RAB11FIP2: variants seen among roughly 807,000 people sequenced by gnomAD.
The protein encoded by RAB11FIP2 is RAB11 family interacting protein 2.
Under a neutral mutation model 40.9 loss-of-function variants are expected in RAB11FIP2, and 16 were observed. That is an observed-to-expected ratio of 0.39 (90% confidence interval 0.26 to 0.59). RAB11FIP2 has a LOEUF of 0.59. RAB11FIP2 is among the 20% of genes least tolerant of loss of function. The pLI is 0.53. For synonymous variants in RAB11FIP2, 228 were observed against 213.7 expected (o/e 1.07, Z -0.58); for missense variants, 532 against 606.2 (o/e 0.88, Z 1.28).
Position 118,039,132 on chromosome 10 carries a change from T to C in RAB11FIP2, c.1105A>G (p.Ser369Gly), listed in dbSNP as rs1319088519. ...LFERVTGKKD[S>G]RRSDKLNNGG... ...TTGTTAAGTTTATCAGATCTTCTGC[T>C]ATCTTTTTTTCCAGTCACTCTTTCA... Residue 369 changes from serine to glycine, a missense_variant, in exon 3 of 5, where the codon AGC (serine) becomes GGC (glycine). Coordinates refer to ENST00000355624, the MANE Select transcript of RAB11FIP2 (RefSeq NM_014904.3). 7.4e-6 allele frequency: 12 copies of C among 1,613,714 alleles called. No individual in the cohort carries two copies. The highest frequency in any genetic ancestry group is 1.3e-5 in the African/African-American group (1 of 74,920).
intron 3 of RAB11FIP2, among the ~76,000 whole-genome samples, chr10:118,024,477 G>GTT (rs1314258712): frequency 7.3e-6 from 1 of 136,510 alleles, no homozygotes; most frequent in Non-Finnish European, 1.5e-5. Flanking sequence ...CATCGTGTGT[G>GTT]TGTGTGTGTG....
chr10:118,023,339 A>T (rs1035029664), intron 3 of RAB11FIP2, among the ~76,000 whole-genome samples: 1 of 152,238 alleles, frequency 6.6e-6, no homozygotes, highest in African/African-American at 2.4e-5. Flanking sequence ...CATTCCAATT[A>T]CGTTCATTAT....
rs533762007 is a variant in RAB11FIP2 at position 118,024,437 on chromosome 10, G to A, written c.1266-9327C>T. On this transcript the variant is annotated intron_variant, in intron 3 of 4. Transcript: ENST00000355624. ...TGTTCCCCTGAGTAGACCCTTGCCC[G>A]CCACCTTCTACGTATCCATTAGTCA... Among the ~76,000 whole-genome samples the A allele has an allele frequency of 2.7e-5, 4 of 150,750 alleles. No individual in the cohort carries two copies. The East Asian group carries it at 5.9e-4, about 22-fold the overall frequency.
At chr10:118,021,428 A>C (rs1846282080) in intron 3 of RAB11FIP2, among the ~76,000 whole-genome samples, 1 of 152,212 alleles carries the variant, frequency 6.6e-6, no homozygotes, top group Non-Finnish European at 1.5e-5. Flanking sequence ...TCTCTCCTAG[A>C]GACCTGCTGG....
chr10:118,018,719 A>G (rs911754159), intron 3 of RAB11FIP2, among the ~76,000 whole-genome samples: 6 of 152,194 alleles, frequency 3.9e-5, no homozygotes, highest in South Asian at 2.1e-4. Context: ...AATTTACCTC[A>G]AAGTTAAAAT....
intron 3 of RAB11FIP2, among the ~76,000 whole-genome samples, chr10:118,027,095 T>C (rs976191440): frequency 2.6e-5 from 4 of 152,232 alleles, no homozygotes; most frequent in African/African-American, 9.6e-5. Flanking sequence ...ATTAAGATCC[T>C]AGCAAGGGCT....
chr10:118,022,992 G>T (rs917514265), intron 3 of RAB11FIP2, among the ~76,000 whole-genome samples: 1 of 152,114 alleles, frequency 6.6e-6, no homozygotes, highest in Admixed American at 6.5e-5. Context: ...ATACATTAGT[G>T]GAGTGTTTTT....
At chr10:118,036,708 A>C (rs1846485199) in intron 3 of RAB11FIP2, among the ~76,000 whole-genome samples, 1 of 152,168 alleles carries the variant, frequency 6.6e-6, no homozygotes. Context: ...CTGTCCTCAT[A>C]TCTGGCATCT....
At chr10:118,024,403 C>T (rs956711249) in intron 3 of RAB11FIP2, among the ~76,000 whole-genome samples, 2 of 151,270 alleles carry the variant, frequency 1.3e-5, no homozygotes, top group African/African-American at 4.9e-5. Context: ...AGCTGTGTTG[C>T]GTTTGGTCTG....
chr10:118,009,580 A>G (rs1194817650), intron 4 of RAB11FIP2, among the ~76,000 whole-genome samples: 1 of 152,186 alleles, frequency 6.6e-6, no homozygotes, highest in Non-Finnish European at 1.5e-5. Flanking sequence ...AAGTTAACTC[A>G]GAGGAACTGT....
At chr10:118,028,455 C>T (rs1435435283) in intron 3 of RAB11FIP2, among the ~76,000 whole-genome samples, 1 of 152,032 alleles carries the variant, frequency 6.6e-6, no homozygotes, top group Non-Finnish European at 1.5e-5. Context: ...CAGTTACATG[C>T]AGGTAAGAAA....
intron 3 of RAB11FIP2, among the ~76,000 whole-genome samples, chr10:118,015,351 G>A (rs999704644): frequency 6.6e-6 from 1 of 152,106 alleles, no homozygotes; most frequent in Non-Finnish European, 1.5e-5. Flanking sequence ...GAATGAAATA[G>A]GAAGTTTCTA....
In RAB11FIP2 at chr10:118,006,672, G is replaced by A. The variant is rs1408180303; in HGVS notation, c.*2326C>T. The A allele has an allele frequency of 3.3e-5, 5 of 151,980 alleles. No individual in the cohort carries two copies. Among genetic ancestry groups the A allele is most frequent in the Non-Finnish European group, 5.9e-5 (4 of 67,914 alleles). The allele number at this position is 151,980 out of a possible 1,614,324, so 9.4% of individuals were successfully genotyped here. A position where few individuals can be genotyped will look rare whatever the true frequency, so the allele number is the denominator to read the frequency against. Reference sequence around the variant, plus strand: ...GACTGATTATGAAAATATGCAATAAGTTTACTCTAGGTAATGAGTGAAAAT... The same window carrying A: ...GACTGATTATGAAAATATGCAATAAATTTACTCTAGGTAATGAGTGAAAAT... On this transcript the variant is annotated 3_prime_UTR_variant, in exon 5 of 5. Transcript: ENST00000355624.
chr10:118,042,645 A>C (rs545995629), intron 1 of RAB11FIP2, among the ~76,000 whole-genome samples: 1 of 152,152 alleles, frequency 6.6e-6, no homozygotes, highest in African/African-American at 2.4e-5. Flanking sequence ...CCTTGCATTA[A>C]ATGTTTATTC....
rs559261919 is a variant in RAB11FIP2 at position 118,029,901 on chromosome 10, C to T, written c.1265+9071G>A. The stretch of plus-strand genomic sequence containing the variant: ...GAAGTTGGGAATATAAAATCTCAGA[C>T]TTGAAGGTAGCATAGGGGCATGACT... On this transcript the variant is annotated intron_variant, in intron 3 of 4. Coordinates refer to ENST00000355624, the MANE Select transcript of RAB11FIP2 (RefSeq NM_014904.3). Among the ~76,000 whole-genome samples, 45 of 152,206 alleles carry T rather than the reference C, an allele frequency of 3.0e-4. No individual in the cohort carries two copies. In the South Asian group the frequency reaches 9.1e-3, roughly 31 times the overall value.
intron 3 of RAB11FIP2, among the ~76,000 whole-genome samples, chr10:118,036,940 T>G (rs1211972489): frequency 6.6e-6 from 1 of 152,100 alleles, no homozygotes; most frequent in African/African-American, 2.4e-5. Context: ...AATTAAAGAT[T>G]TGCAAATACT....
In RAB11FIP2 at chr10:118,040,438, T is replaced by C; in HGVS notation, c.481A>G (p.Arg161Gly). Residue 161 changes from arginine (R) to glycine (G), a missense_variant, in exon 2 of 5, where the codon AGA (arginine) becomes GGA (glycine). Coordinates refer to ENST00000355624, the MANE Select transcript of RAB11FIP2 (RefSeq NM_014904.3). ...MFDLSMKDKT[R>G]SPFAKLKDKM... ...TCTTTTAACTTTGCAAAAGGAGATC[T>C]GGTTTTGTCCTTCATTGATAAGTCA... The C allele has an allele frequency of 6.2e-7, 1 of 1,613,750 alleles. No homozygotes were observed. Among genetic ancestry groups the C allele is most frequent in the Non-Finnish European group, 8.5e-7 (1 of 1,179,684 alleles).
chr10:118,033,482 T>G (rs1423362957), intron 3 of RAB11FIP2, among the ~76,000 whole-genome samples: 2 of 152,018 alleles, frequency 1.3e-5, no homozygotes, highest in Non-Finnish European at 2.9e-5. Context: ...TTCTTCTATA[T>G]CAGCAGAAAT....
At chr10:118,019,277 C>T (rs549826725) in intron 3 of RAB11FIP2, among the ~76,000 whole-genome samples, 9 of 152,274 alleles carry the variant, frequency 5.9e-5, no homozygotes, top group South Asian at 4.1e-4. Flanking sequence ...TTTTGGCCTA[C>T]ACCTTGACTC....
Sources: allele counts gnomAD v4.1 joint callset (sites outside exome capture counted in the v4.1 genomes callset), GRCh38; gene constraint gnomAD v4.1.1; transcripts MANE v1.5; gene names NCBI Gene and HGNC (gene_info 2026-07-23, HGNC 2026-07-21).